Variants in EML4 observed in about 807,000 individuals in gnomAD.
The protein encoded by EML4 is echinoderm microtubule-associated protein-like 4.
EML4 carries 72 observed loss-of-function variants against 129.0 expected under a neutral mutation model. The observed-to-expected ratio is 0.56, with a 90% CI of 0.46 to 0.68. The LOEUF is 0.68. Ranked by LOEUF, EML4 falls within the 30% of genes least tolerant of loss-of-function variation. The probability of loss-of-function intolerance (pLI) is 0.00; values close to 1 mark genes in which losing one functional copy is unlikely to be tolerated. For synonymous variants in EML4, 532 were observed against 405.0 expected (o/e 1.31, Z -3.77); for missense variants, 1,363 against 1,190.6 (o/e 1.14, Z -2.13).
At chr2:42,258,220 C>T (rs1330193047) in intron 3 of EML4, among the ~76,000 whole-genome samples, 1 of 151,966 alleles carries the variant, frequency 6.6e-6, no homozygotes, top group East Asian at 1.9e-4. Flanking sequence ...GTACTGGGCC[C>T]ACATAAAACT....
At chr2:42,176,128 T>C (rs1011899880) in intron 1 of EML4, among the ~76,000 whole-genome samples, 1 of 152,200 alleles carries the variant, frequency 6.6e-6, no homozygotes, top group African/African-American at 2.4e-5. Flanking sequence ...AATCAGCTTC[T>C]TTTCCTTATT....
rs746604762 is a variant in EML4, at chr2:42,303,241, G to A, written c.1767+12G>A. ...AAATAGAAGTACAGGTAAGCTGTGTGATATTAACCGTTAACTGAATATTTT... is the reference window on the plus strand; with the variant it reads ...AAATAGAAGTACAGGTAAGCTGTGTAATATTAACCGTTAACTGAATATTTT... On this transcript the variant is annotated intron_variant, in intron 15 of 22. Coordinates refer to ENST00000318522, the MANE Select transcript of EML4 (RefSeq NM_019063.5). 2.5e-6 allele frequency: 4 copies of A among 1,613,988 alleles called. No individual in the cohort carries two copies. The Admixed American group carries it at 5.0e-5, about 20-fold the overall frequency.
At chr2:42,272,220 G>A (rs989922056) in intron 6 of EML4, among the ~76,000 whole-genome samples, 2 of 152,078 alleles carry the variant, frequency 1.3e-5, no homozygotes, top group African/African-American at 2.4e-5. Flanking sequence ...AGGAAGAGTT[G>A]CGGTTGATCA....
At chr2:42,242,410 A>C (rs917120371) in intron 1 of EML4, among the ~76,000 whole-genome samples, 3 of 152,332 alleles carry the variant, frequency 2.0e-5, no homozygotes, top group South Asian at 4.1e-4. Context: ...ATATTGGAGC[A>C]GCTCTCAGAA....
intron 1 of EML4, among the ~76,000 whole-genome samples, chr2:42,227,621 G>C (rs1459716003): frequency 6.6e-6 from 1 of 151,966 alleles, no homozygotes; most frequent in Non-Finnish European, 1.5e-5. Context: ...GGTTTGAACT[G>C]TGTGGGTCCA....
At chr2:42,283,014 C>T (rs543490041) in intron 8 of EML4, 42 bp downstream of exon 8, 4 of 1,518,678 alleles carry the variant, frequency 2.6e-6, no homozygotes, top group Non-Finnish European at 2.7e-6. Context: ...TTCTTTCAGG[C>T]CCTCATTTTG....
At chr2:42,245,260 A>T (rs1028280271) in intron 1 of EML4, among the ~76,000 whole-genome samples, 7 of 151,232 alleles carry the variant, frequency 4.6e-5, no homozygotes, top group Admixed American at 4.6e-4. Flanking sequence ...ATGCCTGGCT[A>T]ATTTTTTGTG....
chr2:42,190,209 C>T (rs1037607190), intron 1 of EML4, among the ~76,000 whole-genome samples: 16 of 152,154 alleles, frequency 1.1e-4, no homozygotes, highest in Admixed American at 1.0e-3. Context: ...TCTATATTCT[C>T]TTTTGTTGCC....
chr2:42,217,884 T>A (rs1462256640), intron 1 of EML4, among the ~76,000 whole-genome samples: 1 of 152,206 alleles, frequency 6.6e-6, no homozygotes, highest in Non-Finnish European at 1.5e-5. Context: ...GGGAATTTGA[T>A]CTGGGTGCTG....
intron 1 of EML4, among the ~76,000 whole-genome samples, chr2:42,171,206 A>G (rs1261153421): frequency 6.6e-6 from 1 of 152,244 alleles, no homozygotes; most frequent in Non-Finnish European, 1.5e-5. Context: ...TGTTGGACCG[A>G]AAAACTTGTC....
intron 1 of EML4, among the ~76,000 whole-genome samples, chr2:42,233,220 A>G (rs1322157960): frequency 1.3e-5 from 2 of 151,490 alleles, no homozygotes; most frequent in African/African-American, 4.9e-5. Context: ...TTAATGTTTT[A>G]TTTTGAGTTG....
chr2:42,266,280 A>C (rs1467713538), intron 6 of EML4, among the ~76,000 whole-genome samples: 1 of 152,246 alleles, frequency 6.6e-6, no homozygotes, highest in Non-Finnish European at 1.5e-5. Context: ...ACATAGATTA[A>C]GTAATGTTTG....
chr2:42,181,402 G>A (rs1177309610), intron 1 of EML4, among the ~76,000 whole-genome samples: 1 of 152,110 alleles, frequency 6.6e-6, no homozygotes, highest in Non-Finnish European at 1.5e-5. Flanking sequence ...GGACTCAAGC[G>A]ATTCTCCTGC....
chr2:42,309,163 T>G (rs1668785963), intron 17 of EML4, among the ~76,000 whole-genome samples: 1 of 151,938 alleles, frequency 6.6e-6, no homozygotes, highest in African/African-American at 2.4e-5. Flanking sequence ...CCCCACACTT[T>G]GGGAGGCTGA....
chr2:42,190,905 A>T (rs771205840), intron 1 of EML4, among the ~76,000 whole-genome samples: 15 of 152,200 alleles, frequency 9.9e-5, no homozygotes, highest in Non-Finnish European at 1.8e-4. Context: ...TTTTCCCCAA[A>T]CATTGAAAAA....
chr2:42,169,606 C>T lies in EML4; in HGVS notation c.-6C>T, dbSNP rs145171095. 3.1e-6 allele frequency: 5 copies of T among 1,598,962 alleles called. No individual in the cohort carries two copies. In the Admixed American group the frequency reaches 5.1e-5, roughly 16 times the overall value. On this transcript the variant is annotated 5_prime_UTR_variant, in exon 1 of 23. Transcript: ENST00000318522. ...TAAGCCCGGAGCCCGGCGCTTTCCC[C>T]GCAAGATGGACGGTTTCGCCGGCAG...
At chr2:42,232,727 T>A (rs1039323535) in intron 1 of EML4, among the ~76,000 whole-genome samples, 3 of 152,172 alleles carry the variant, frequency 2.0e-5, no homozygotes, top group Non-Finnish European at 4.4e-5. Context: ...GTTTTGTTTT[T>A]GTTTTTGTTT....
intron 1 of EML4, among the ~76,000 whole-genome samples, chr2:42,213,298 C>A (rs1672986073): frequency 6.6e-6 from 1 of 152,182 alleles, no homozygotes; most frequent in African/African-American, 2.4e-5. Context: ...CTCTTGACTT[C>A]TAACACCATA....
chr2:42,225,108 T>C (rs1673870606), intron 1 of EML4, among the ~76,000 whole-genome samples: 1 of 152,192 alleles, frequency 6.6e-6, no homozygotes, highest in African/African-American at 2.4e-5. Context: ...TAAGGCTGAA[T>C]AATATTCCAT....
Sources: allele counts gnomAD v4.1 joint callset (sites outside exome capture counted in the v4.1 genomes callset), GRCh38; gene constraint gnomAD v4.1.1; transcripts MANE v1.5; gene names NCBI Gene and HGNC (gene_info 2026-07-23, HGNC 2026-07-21).